The following MICAL2 variants were observed in gnomAD, a reference collection of about 807,000 sequenced individuals.
The protein encoded by MICAL2 is [F-actin]-monooxygenase MICAL2.
In MICAL2, 77 loss-of-function variants were observed where a neutral mutation model predicts 127.3. The ratio of observed to expected loss-of-function variants is 0.60; its 90% CI spans 0.50 to 0.73. MICAL2 has a LOEUF of 0.73. MICAL2 is among the 30% of genes least tolerant of loss of function. The pLI, the probability that MICAL2 is intolerant of heterozygous loss-of-function variation, is 0.00. For synonymous variants in MICAL2, 570 were observed against 551.1 expected (o/e 1.03, Z -0.48); for missense variants, 1,351 against 1,434.4 (o/e 0.94, Z 0.94).
chr11:12,217,476 T>A (rs532990774), intron 8 of MICAL2, among the ~76,000 whole-genome samples: 1 of 152,302 alleles, frequency 6.6e-6, no homozygotes, highest in East Asian at 1.9e-4. Context: ...AGTGTCCCAC[T>A]GCTGACTGTC....
chr11:12,285,418 TCC>T (rs1863814182), intron 2 of MICAL2, among the ~76,000 whole-genome samples: 1 of 152,150 alleles, frequency 6.6e-6, no homozygotes, highest in African/African-American at 2.4e-5. Context: ...GGCAGTCTTG[TCC>T]CCAGGCAGGA....
rs865803634 is a variant in MICAL2 at position 12,242,144 on chromosome 11, G to A, written c.2338-70G>A. 95 of 1,278,934 alleles carry A rather than the reference G, an allele frequency of 7.4e-5. No individual in the cohort carries two copies. In the Middle Eastern group the frequency reaches 1.5e-3, roughly 20 times the overall value. 79.2% of individuals were successfully genotyped at this position (1,278,934 alleles called of 1,614,324 possible). A position where few individuals can be genotyped will look rare whatever the true frequency, so the allele number is the denominator to read the frequency against. ...CCCTTTGTCTCTGGTCTTCATGGGG[G>A]ATCCCTCATGGTGAGGGTGTATGAA... is the stretch of plus-strand genomic sequence containing the variant. On this transcript the variant is annotated intron_variant, in intron 18 of 27. Coordinates refer to ENST00000683283, the MANE Select transcript of MICAL2 (RefSeq NM_001282663.2).
intron 3 of MICAL2, among the ~76,000 whole-genome samples, chr11:12,185,879 C>T (rs535921831): frequency 1.3e-5 from 2 of 152,222 alleles, no homozygotes; most frequent in African/African-American, 4.8e-5. Flanking sequence ...CGCCAGCCTG[C>T]GATCATGTTT....
Position 12,216,320 on chromosome 11 carries a change from G to A in MICAL2, c.948+1G>A, listed in dbSNP as rs754758130. ...GCTCGACAAAGGTGTCATCATTAAC[G>A]TACGTACCTCTTGGCTGCGATTTCC... On this transcript the variant is annotated splice_donor_variant, in intron 8 of 27. Transcript: ENST00000683283. LOFTEE classifies it high-confidence loss of function. 2 of 1,612,246 alleles carry A rather than the reference G, an allele frequency of 1.2e-6. No individual in the cohort carries two copies. The highest frequency in any genetic ancestry group is 1.7e-5 in the Admixed American group (1 of 60,024).
intron 29 of MICAL2, among the ~76,000 whole-genome samples, chr11:12,305,127 T>A (rs1311847491): frequency 6.6e-6 from 1 of 152,198 alleles, no homozygotes; most frequent in Admixed American, 6.5e-5. Context: ...CTCACACTGC[T>A]ATAAATATAC....
intron 1 of MICAL2, among the ~76,000 whole-genome samples, chr11:12,128,637 G>C (rs1380915825): frequency 1.3e-5 from 2 of 152,236 alleles, no homozygotes; most frequent in Non-Finnish European, 2.9e-5. Context: ...ATGGGTGGGA[G>C]ACACTGTGGG....
At chr11:12,262,952 C>A (rs1232197932) in intron 27 of MICAL2, 1 of 164,332 alleles carries the variant, frequency 6.1e-6, no homozygotes, top group Non-Finnish European at 1.3e-5. Context: ...CATACCAGCG[C>A]CTTCTTAAAT....
chr11:12,213,154 C>T (rs1328066119), intron 6 of MICAL2, 101 bp from the exon 7 acceptor site: 2 of 1,339,066 alleles, frequency 1.5e-6, no homozygotes, highest in African/African-American at 3.0e-5. Context: ...CCTGGTTTCA[C>T]TGGCCTGGGA....
intron 20 of MICAL2, among the ~76,000 whole-genome samples, chr11:12,243,712 T>G (rs929693602): frequency 6.6e-6 from 1 of 152,190 alleles, no homozygotes; most frequent in Non-Finnish European, 1.5e-5. Flanking sequence ...TTGGCATCGG[T>G]GTCTGAGGCG....
At chr11:12,182,344 T>C (rs1340373098) in intron 3 of MICAL2, among the ~76,000 whole-genome samples, 2 of 151,276 alleles carry the variant, frequency 1.3e-5, no homozygotes, top group East Asian at 3.9e-4. Context: ...GGTGGGGGAG[T>C]TGCTGAAAAG....
chr11:12,273,544 GTTT>G (rs11334681), upstream of MICAL2, among the ~76,000 whole-genome samples: 618 of 143,722 alleles, frequency 4.3e-3, 1 homozygote, highest in African/African-American at 0.015. Context: ...CTGCAGACAT[GTTT>G]TTTTTTTTTT....
intron 3 of MICAL2, among the ~76,000 whole-genome samples, chr11:12,163,510 C>T (rs1855097846): frequency 6.6e-6 from 1 of 152,184 alleles, no homozygotes. Flanking sequence ...TTCCACTGCC[C>T]CTGGGGAGAC....
intron 32 of MICAL2, among the ~76,000 whole-genome samples, chr11:12,330,027 G>A (rs142066787): frequency 5.3e-5 from 8 of 152,052 alleles, no homozygotes; most frequent in Admixed American, 1.3e-4. Context: ...TAAGTTTATG[G>A]GCCTTTTTCC....
chr11:12,152,297 CAAA>C (rs540812572), intron 2 of MICAL2, among the ~76,000 whole-genome samples: 59 of 38,386 alleles, frequency 1.5e-3, no homozygotes, highest in African/African-American at 7.8e-3. Flanking sequence ...GACTCTGTCT[CAAA>C]AAAAAAAAAA....
In MICAL2 at chr11:12,249,217, C is replaced by T. The variant is rs542038120; in HGVS notation, c.2818C>T (p.Pro940Ser). The change falls in exon 22 of 28, where the codon CCC becomes TCC. Residue 940 changes from proline (P) to serine (S), a missense_variant. Coordinates refer to ENST00000683283, the MANE Select transcript of MICAL2 (RefSeq NM_001282663.2). ...GTCACCTTCAGGGTTCCATTTTCAT[C>T]CCAGCCATTTGAGAACAGTGCATCC... ...KKSPSGFHFH[P>S]SHLRTVHPQL... The T allele has an allele frequency of 5.5e-5, 88 of 1,610,728 alleles. 2 individuals carry two copies. The South Asian group carries it at 7.0e-4, about 13-fold the overall frequency.
chr11:12,256,990 G>A lies in MICAL2; in HGVS notation c.3142+19G>A. The A allele has an allele frequency of 6.2e-7, 1 of 1,600,366 alleles. No individual in the cohort carries two copies. Among genetic ancestry groups the A allele is most frequent in the Non-Finnish European group, 8.5e-7 (1 of 1,172,988 alleles). On this transcript the variant is annotated intron_variant, in intron 24 of 27. Transcript: ENST00000683283. Reference sequence around the variant, plus strand: ...GATGAAGGTAACCCCAGGGGCCAGGGCAGCACTGGGCTCTGGCCTTGGCCT... The same window carrying A: ...GATGAAGGTAACCCCAGGGGCCAGGACAGCACTGGGCTCTGGCCTTGGCCT...
chr11:12,142,984 GGAT>G, intron 2 of MICAL2, among the ~76,000 whole-genome samples: 1 of 152,186 alleles, frequency 6.6e-6, no homozygotes, highest in South Asian at 2.1e-4. Flanking sequence ...TTGGTTCTTG[GGAT>G]GCAAAAGTGA....
chr11:12,319,411 GAATT>G (rs1043168178), intron 29 of MICAL2, among the ~76,000 whole-genome samples: 3 of 150,800 alleles, frequency 2.0e-5, no homozygotes, highest in Non-Finnish European at 4.4e-5. Flanking sequence ...GGTGTTTAAG[GAATT>G]AATTGATTTC....
chr11:12,233,124 AT>A (rs1190420656), intron 15 of MICAL2, among the ~76,000 whole-genome samples: 8 of 152,228 alleles, frequency 5.3e-5, no homozygotes, highest in African/African-American at 1.9e-4. Flanking sequence ...TGTATCTGCC[AT>A]GGATGAGGGG....
Sources: gnomAD v4.1 joint callset for allele counts (sites outside exome capture counted in the v4.1 genomes callset) on GRCh38, gnomAD v4.1.1 for gene constraint, MANE v1.5 for transcripts, NCBI Gene and HGNC (gene_info 2026-07-23, HGNC 2026-07-21) for gene names.